Variants in STAU2 observed in about 807,000 individuals in gnomAD.
STAU2 encodes staufen double-stranded RNA binding protein 2.
A neutral mutation model predicts 65.9 loss-of-function variants in STAU2; 20 were observed. That is an observed-to-expected ratio of 0.30 (90% CI 0.21 to 0.44). The LOEUF (loss-of-function observed/expected upper bound fraction) is 0.44, where lower values mean the gene tolerates loss of function less well. Among genes scored for constraint, STAU2 ranks in the 20% least tolerant of loss-of-function variants. The pLI, the probability that STAU2 is intolerant of heterozygous loss-of-function variation, is 1.00. For missense variants in STAU2, 558 were observed against 683.9 expected, an observed-to-expected ratio of 0.82 and a Z score of 2.05; for synonymous variants, 232 against 233.9, an observed-to-expected ratio of 0.99 and a Z score of 0.07.
At chr8:73,666,895 T>C (rs1266898266) in intron 6 of STAU2, among the ~76,000 whole-genome samples, 1 of 152,198 alleles carries the variant, frequency 6.6e-6, no homozygotes, top group Non-Finnish European at 1.5e-5. Context: ...TCTTGCCACG[T>C]CTACTTCCAA....
At chr8:73,466,721 T>C (rs571137639) in intron 13 of STAU2, among the ~76,000 whole-genome samples, 1 of 152,346 alleles carries the variant, frequency 6.6e-6, no homozygotes, top group Admixed American at 6.5e-5. Context: ...ACAGCCCTCA[T>C]CAACTTCTAC....
intron 6 of STAU2, among the ~76,000 whole-genome samples, chr8:73,624,800 A>T (rs1813517135): frequency 6.6e-6 from 1 of 152,196 alleles, no homozygotes; most frequent in Admixed American, 6.5e-5. Context: ...GTCTCTCTAG[A>T]TGTATGAGAT....
intron 6 of STAU2, among the ~76,000 whole-genome samples, chr8:73,656,812 G>T (rs113535350): frequency 2.6e-5 from 4 of 152,106 alleles, no homozygotes; most frequent in Non-Finnish European, 5.9e-5. Context: ...AAACAAAAAA[G>T]ATTTTAAATT....
chr8:73,497,469 G>A (rs780632990), intron 13 of STAU2, among the ~76,000 whole-genome samples: 3 of 151,380 alleles, frequency 2.0e-5, no homozygotes, highest in Non-Finnish European at 3.0e-5. Flanking sequence ...GCAATTCTTG[G>A]CAAAGGATTG....
chr8:73,502,446 C>A (rs1343098970), intron 13 of STAU2, among the ~76,000 whole-genome samples: 1 of 151,952 alleles, frequency 6.6e-6, no homozygotes, highest in Admixed American at 6.6e-5. Context: ...CTGACCTGTA[C>A]CTCACATTCT....
chr8:73,746,956 G>T (rs926102943), upstream of STAU2: 1 of 803,770 alleles, frequency 1.2e-6, no homozygotes, highest in Non-Finnish European at 1.5e-6. Flanking sequence ...CGCGCCGCGC[G>T]CCCCCGCCTG....
chr8:73,625,963 A>T (rs1813604628), intron 6 of STAU2, among the ~76,000 whole-genome samples: 1 of 152,088 alleles, frequency 6.6e-6, no homozygotes, highest in Non-Finnish European at 1.5e-5. Flanking sequence ...TGTGAATTAC[A>T]TTAATAATTC....
intron 10 of STAU2, among the ~76,000 whole-genome samples, 184 bp downstream of exon 10, chr8:73,603,542 G>A (rs997460440): frequency 2.0e-5 from 3 of 152,192 alleles, no homozygotes; most frequent in Non-Finnish European, 4.4e-5. Context: ...GTTGTCTATT[G>A]TAACATGTCC....
chr8:73,736,888 C>G (rs543893292), intron 3 of STAU2, among the ~76,000 whole-genome samples: 60 of 152,188 alleles, frequency 3.9e-4, no homozygotes, highest in African/African-American at 1.4e-3. Flanking sequence ...TTTTTTGGAA[C>G]GCATCTCGCT....
chr8:73,493,092 A>G (rs1679661827), intron 13 of STAU2, among the ~76,000 whole-genome samples: 1 of 151,898 alleles, frequency 6.6e-6, no homozygotes, highest in Non-Finnish European at 1.5e-5. Flanking sequence ...TGTGGAAAAA[A>G]TAAACTTCAA....
In STAU2 at chr8:73,617,233, C is replaced by G. The variant is rs577634453; in HGVS notation, c.570+59G>C. 2.9e-5 allele frequency: 46 copies of G among 1,574,904 alleles called. No homozygotes were observed. The Admixed American group carries it at 7.1e-4, about 24-fold the overall frequency. On this transcript the variant is annotated intron_variant, in intron 7 of 14. Coordinates refer to ENST00000524300, the MANE Select transcript of STAU2 (RefSeq NM_001164380.2). Reference sequence around the variant, plus strand: ...TTATTTATTTTAATTATAAAATGCTCTGATTTGTTTCACTGGGAAAGTAGA... The same window carrying G: ...TTATTTATTTTAATTATAAAATGCTGTGATTTGTTTCACTGGGAAAGTAGA...
At chr8:73,706,903 C>T (rs961733269) in intron 4 of STAU2, among the ~76,000 whole-genome samples, 1 of 152,160 alleles carries the variant, frequency 6.6e-6, no homozygotes, top group African/African-American at 2.4e-5. Flanking sequence ...TAAACCCTTC[C>T]AAAAATTACA....
At chr8:73,664,870 T>C (rs1817117086) in intron 6 of STAU2, among the ~76,000 whole-genome samples, 1 of 152,054 alleles carries the variant, frequency 6.6e-6, no homozygotes, top group South Asian at 2.1e-4. Flanking sequence ...CATGCGCCTG[T>C]AGTCCCAGGT....
At chr8:73,490,428 T>C (rs1821103275) in intron 13 of STAU2, among the ~76,000 whole-genome samples, 1 of 151,942 alleles carries the variant, frequency 6.6e-6, no homozygotes, top group Admixed American at 6.6e-5. Context: ...AATATGAAGG[T>C]GAGATGCATC....
chr8:73,475,279 C>A (rs568337288), intron 13 of STAU2, among the ~76,000 whole-genome samples: 3 of 151,668 alleles, frequency 2.0e-5, no homozygotes, highest in African/African-American at 7.3e-5. Context: ...AGAAGTTTTT[C>A]AAAAAAAATG....
In STAU2 at chr8:73,420,532, C is replaced by T. The variant is rs969410046; in HGVS notation, c.*840G>A. The T allele has an allele frequency of 2.7e-5, 6 of 220,870 alleles. No homozygotes were observed. Among genetic ancestry groups the T allele is most frequent in the Admixed American group, 4.9e-5 (1 of 20,344 alleles). The allele number at this position is 220,870 out of a possible 1,614,324, so 13.7% of individuals were successfully genotyped here. A position where few individuals can be genotyped will look rare whatever the true frequency, so the allele number is the denominator to read the frequency against. The stretch of plus-strand genomic sequence containing the variant: ...CTACTCACTGTCCCAAGTCCAGAGG[C>T]AGTTACAAAAAACACTCTTGATGCA... On this transcript the variant is annotated 3_prime_UTR_variant, in exon 15 of 15. Transcript: ENST00000524300.
intron 4 of STAU2, among the ~76,000 whole-genome samples, chr8:73,707,479 A>C (rs931719422): frequency 2.6e-5 from 4 of 152,228 alleles, no homozygotes; most frequent in African/African-American, 4.8e-5. Context: ...ACATGCTGGA[A>C]CAATCATCTA....
intron 6 of STAU2, among the ~76,000 whole-genome samples, chr8:73,668,325 A>C (rs997309870): frequency 2.0e-5 from 3 of 152,208 alleles, no homozygotes; most frequent in African/African-American, 7.2e-5. Flanking sequence ...ATGCCTGTAC[A>C]TCTCCCCAAG....
chr8:73,604,775 A>G (rs1350255619), intron 9 of STAU2, among the ~76,000 whole-genome samples: 2 of 152,226 alleles, frequency 1.3e-5, no homozygotes, highest in East Asian at 3.8e-4. Context: ...GAAGTCTAAC[A>G]GCCCCAAGTG....
Sources: allele counts gnomAD v4.1 joint callset (sites outside exome capture counted in the v4.1 genomes callset), GRCh38; gene constraint gnomAD v4.1.1; transcripts MANE v1.5; gene names NCBI Gene and HGNC (gene_info 2026-07-23, HGNC 2026-07-21).